CAMSAP1: variants seen among roughly 807,000 people sequenced by gnomAD.
CAMSAP1 encodes the protein calmodulin regulated spectrin associated protein 1, also known as calmodulin-regulated spectrin-associated protein 1.
A neutral mutation model predicts 143.5 loss-of-function variants in CAMSAP1; 58 were observed. The ratio of observed to expected loss-of-function variants is 0.40; its 90% confidence interval spans 0.33 to 0.50. The LOEUF (loss-of-function observed/expected upper bound fraction) is 0.50. Among genes scored for constraint, CAMSAP1 ranks in the 20% least tolerant of loss-of-function variants. CAMSAP1 has a pLI of 0.45. For missense variants in CAMSAP1, 1,969 were observed against 2,115.7 expected, an observed-to-expected ratio of 0.93 and a Z score of 1.36; for synonymous variants, 945 against 859.3, an observed-to-expected ratio of 1.10 and a Z score of -1.74.
chr9:135,885,694 T>C (rs78507193), intron 1 of CAMSAP1, among the ~76,000 whole-genome samples: 2 of 152,358 alleles, frequency 1.3e-5, no homozygotes, highest in South Asian at 4.1e-4. Context: ...CAATATAAAG[T>C]GATTCATATA....
intron 3 of CAMSAP1, 54 bp downstream of exon 3, chr9:135,881,579 A>T: frequency 6.5e-7 from 1 of 1,542,174 alleles, no homozygotes; most frequent in East Asian, 2.5e-5. Flanking sequence ...TCAAGTGAAA[A>T]GGAGACCGGC....
Position 135,906,050 on chromosome 9 carries a change from A to C in CAMSAP1, c.160+950T>G, listed in dbSNP as rs1394340556. ...ACAGTACAAAAACCAGTTTGAAATA[A>C]GGCGAGTTATTTAATCCCTAAAACT... On this transcript the variant is annotated intron_variant, in intron 1 of 16. Coordinates refer to ENST00000389532, the MANE Select transcript of CAMSAP1 (RefSeq NM_015447.4). Among the ~76,000 whole-genome samples the C allele has an allele frequency of 2.6e-5, 4 of 152,384 alleles. No homozygotes were observed. In the East Asian group the frequency reaches 5.8e-4, roughly 22 times the overall value.
In CAMSAP1 at chr9:135,820,785, C is replaced by T. The variant is rs765072077; in HGVS notation, c.3822+54G>A. Reference sequence around the variant, plus strand: ...ATCTGTGTTCTCTAACTCACTATCACGTGGGGTGGCAACACATCACGAGTG... The same window carrying T: ...ATCTGTGTTCTCTAACTCACTATCATGTGGGGTGGCAACACATCACGAGTG... On this transcript the variant is annotated intron_variant, in intron 11 of 16. Coordinates refer to ENST00000389532, the MANE Select transcript of CAMSAP1 (RefSeq NM_015447.4). This position sits in a 1 kb window ranked among gnomAD's most constrained non-coding sequence, Gnocchi z 4.4. 1.2e-4 allele frequency: 195 copies of T among 1,583,846 alleles called. 1 individual carries two copies. The Middle Eastern group carries it at 1.3e-3, about 11-fold the overall frequency.
intron 5 of CAMSAP1, among the ~76,000 whole-genome samples, chr9:135,857,290 C>A (rs956810908): frequency 6.6e-6 from 1 of 151,976 alleles, no homozygotes; most frequent in Non-Finnish European, 1.5e-5. Context: ...ATCTTTTTTC[C>A]CTTATTTCCC....
chr9:135,842,805 A>C (rs1161378657), intron 7 of CAMSAP1, among the ~76,000 whole-genome samples: 3 of 152,242 alleles, frequency 2.0e-5, no homozygotes, highest in East Asian at 3.8e-4. Flanking sequence ...AGATTTTGTC[A>C]CCACCAGGCC....
chr9:135,830,574 C>T (rs1835824706), intron 7 of CAMSAP1, among the ~76,000 whole-genome samples: 1 of 152,146 alleles, frequency 6.6e-6, no homozygotes, highest in Non-Finnish European at 1.5e-5. Context: ...AACAGAAATA[C>T]AGTAATAGCA....
At chr9:135,896,850 G>T (rs1212572959) in intron 1 of CAMSAP1, among the ~76,000 whole-genome samples, 3 of 152,170 alleles carry the variant, frequency 2.0e-5, no homozygotes, top group Non-Finnish European at 4.4e-5. Context: ...GGGTGAATAG[G>T]TCACAAGGGC....
intron 1 of CAMSAP1, among the ~76,000 whole-genome samples, chr9:135,891,034 CAG>C (rs889719029): frequency 1.3e-5 from 2 of 152,208 alleles, no homozygotes; most frequent in African/African-American, 2.4e-5. Flanking sequence ...GAACCCAAAA[CAG>C]GGGACTCCTC....
At chr9:135,837,639 C>A (rs190172539) in intron 7 of CAMSAP1, among the ~76,000 whole-genome samples, 3 of 151,634 alleles carry the variant, frequency 2.0e-5, no homozygotes, top group African/African-American at 4.9e-5. Context: ...TCATCACGCA[C>A]TTTCTACCCC....
chr9:135,820,596 C>A lies in CAMSAP1; in HGVS notation c.3822+243G>T, dbSNP rs886891261. Among the ~76,000 whole-genome samples the A allele has an allele frequency of 6.6e-6, 1 of 151,986 alleles. No homozygotes were observed. Among genetic ancestry groups the A allele is most frequent in the Non-Finnish European group, 1.5e-5 (1 of 68,010 alleles). On this transcript the variant is annotated intron_variant, in intron 11 of 16. Transcript: ENST00000389532. The surrounding 1 kb of genome is among the most constrained non-coding windows in gnomAD (Gnocchi z 4.4). The stretch of plus-strand genomic sequence containing the variant: ...ATCACATGAAATTCCAGTTTCAGGG[C>A]TCATAACAAAGTCGTCTCAGCCACA...
intron 15 of CAMSAP1, 99 bp downstream of exon 15, chr9:135,815,791 A>G: frequency 1.0e-6 from 1 of 995,560 alleles, no homozygotes; most frequent in Non-Finnish European, 1.5e-6. Flanking sequence ...TGTTAGAAAA[A>G]TACTTTTTAG....
Position 135,820,922 on chromosome 9 carries a change from C to A in CAMSAP1, c.3739G>T (p.Asp1247Tyr). Residue 1247 changes from aspartate (D) to tyrosine (Y), a missense_variant, in exon 11 of 17, where the codon GAT becomes TAT. Asp to Tyr is a radical substitution (Grantham distance 160). This residue lies in a region of CAMSAP1 where 1,390 missense variants were observed against 1,420.8 expected (regional missense o/e 0.98). Coordinates refer to ENST00000389532, the MANE Select transcript of CAMSAP1 (RefSeq NM_015447.4). This position sits in a 1 kb window ranked among gnomAD's most constrained non-coding sequence, Gnocchi z 4.4. ...DLSDLKAPDEDGELVSLDGSA... is the reference protein window; with the variant it reads ...DLSDLKAPDEYGELVSLDGSA... ...CCATCGAGGCTTACCAGCTCCCCAT[C>A]CTCGTCGGGGGCCTTCAGGTCGGAG... 6.2e-7 allele frequency: 1 copy of A among 1,613,868 alleles called. No individual in the cohort carries two copies. Among genetic ancestry groups the A allele is most frequent in the South Asian group, 1.1e-5 (1 of 91,086 alleles).
In CAMSAP1 at chr9:135,907,535, G is replaced by A. The variant is rs1223082172; in HGVS notation, c.-376C>T. The stretch of plus-strand genomic sequence containing the variant: ...GCGGCTGAGGCGGTGGCCAAGGAGC[G>A]GGAGCGCGCTCACCGCCGGGGCCTC... On this transcript the variant is annotated 5_prime_UTR_variant, in exon 1 of 17. Transcript: ENST00000389532. Among the ~76,000 whole-genome samples the A allele has an allele frequency of 6.7e-6, 1 of 149,612 alleles. No individual in the cohort carries two copies. The highest frequency in any genetic ancestry group is 1.5e-5 in the Non-Finnish European group (1 of 66,884).
intron 5 of CAMSAP1, among the ~76,000 whole-genome samples, chr9:135,851,185 T>A (rs1836770770): frequency 6.6e-6 from 1 of 152,190 alleles, no homozygotes; most frequent in South Asian, 2.1e-4. Context: ...ACGGTGCAGC[T>A]CAGGACTCCG....
intron 3 of CAMSAP1, among the ~76,000 whole-genome samples, chr9:135,877,633 C>A (rs1240586455): frequency 6.6e-6 from 1 of 151,956 alleles, no homozygotes; most frequent in South Asian, 2.1e-4. Flanking sequence ...TAGTAAGACC[C>A]CATCTCTAAT....
At chr9:135,812,958 A>C (rs552551718) in intron 16 of CAMSAP1, among the ~76,000 whole-genome samples, 1 of 151,594 alleles carries the variant, frequency 6.6e-6, no homozygotes, top group African/African-American at 2.4e-5. Context: ...TCCATCTCAA[A>C]AAAAAAAAAA....
chr9:135,878,830 G>A (rs1181352916), intron 3 of CAMSAP1, among the ~76,000 whole-genome samples: 1 of 152,128 alleles, frequency 6.6e-6, no homozygotes, highest in African/African-American at 2.4e-5. Flanking sequence ...CACATAAGGA[G>A]AAACCACTAA....
intron 5 of CAMSAP1, among the ~76,000 whole-genome samples, chr9:135,861,569 G>A (rs886727115): frequency 1.3e-5 from 2 of 152,184 alleles, no homozygotes; most frequent in African/African-American, 4.8e-5. Context: ...CTTCCAAAGT[G>A]CTGGGATTAC....
intron 16 of CAMSAP1, among the ~76,000 whole-genome samples, chr9:135,812,591 T>C (rs538348770): frequency 1.3e-5 from 2 of 152,234 alleles, no homozygotes; most frequent in South Asian, 2.1e-4. Flanking sequence ...GTGGTGATGG[T>C]TGTGCTACTC....
Sources: allele counts gnomAD v4.1 joint callset (sites outside exome capture counted in the v4.1 genomes callset), GRCh38; gene constraint gnomAD v4.1.1; regional missense constraint gnomAD v4.1.1; non-coding constraint Gnocchi (gnomAD v3.1); transcripts MANE v1.5; gene names NCBI Gene and HGNC (gene_info 2026-07-23, HGNC 2026-07-21).